IGFBP7: variants seen among roughly 807,000 people sequenced by gnomAD.
IGFBP7 encodes insulin-like growth factor-binding protein 7.
IGFBP7 carries 31 observed loss-of-function variants against 29.4 expected under a neutral mutation model. The observed-to-expected ratio is 1.05, with a 90% CI of 0.79 to 1.42. IGFBP7 has a LOEUF of 1.42. IGFBP7 is among the 40% of genes most tolerant of loss of function. The pLI is 0.00. For missense variants in IGFBP7, 393 were observed against 395.5 expected (o/e 0.99, Z 0.05); for synonymous variants, 172 against 174.9 (o/e 0.98, Z 0.13).
chr4:57,051,346 G>A (rs74880236), intron 1 of IGFBP7, among the ~76,000 whole-genome samples: 2,885 of 152,302 alleles, frequency 0.019, 85 homozygotes, highest in East Asian at 0.13. Context: ...ACGGTCTCAG[G>A]GGTACTGGCT....
intron 1 of IGFBP7, among the ~76,000 whole-genome samples, chr4:57,064,526 C>T (rs1560498616): frequency 6.6e-6 from 1 of 152,138 alleles, no homozygotes; most frequent in Non-Finnish European, 1.5e-5. Flanking sequence ...ATTCTATTTC[C>T]CAACATGAAG....
intron 2 of IGFBP7, among the ~76,000 whole-genome samples, chr4:57,039,272 A>G (rs1724161197): frequency 6.6e-6 from 1 of 152,206 alleles, no homozygotes; most frequent in African/African-American, 2.4e-5. Context: ...ACTGAGTGCT[A>G]ACTATGTATC....
intron 1 of IGFBP7, among the ~76,000 whole-genome samples, chr4:57,094,197 C>T (rs901333524): frequency 6.6e-6 from 1 of 152,172 alleles, no homozygotes; most frequent in Non-Finnish European, 1.5e-5. Flanking sequence ...TTACAAAAAG[C>T]AGGCACTGGA....
intron 1 of IGFBP7, among the ~76,000 whole-genome samples, chr4:57,101,450 T>C (rs1035303131): frequency 1.3e-5 from 2 of 152,162 alleles, no homozygotes; most frequent in African/African-American, 4.8e-5. Context: ...GGACTGCTCC[T>C]CTCCCTGGTA....
At chr4:57,040,169 T>C (rs7687211) in intron 2 of IGFBP7, among the ~76,000 whole-genome samples, 137,999 of 152,098 alleles carry the variant, frequency 0.91, 62,623 homozygotes, top group East Asian at 0.97. Flanking sequence ...TCCCACCTCA[T>C]TCCTTCTATC....
At chr4:57,092,323 C>G (rs1725661307) in intron 1 of IGFBP7, among the ~76,000 whole-genome samples, 1 of 152,154 alleles carries the variant, frequency 6.6e-6, no homozygotes, top group Non-Finnish European at 1.5e-5. Context: ...TTATAGTACA[C>G]ATATCCTTTC....
chr4:57,090,490 G>C (rs948555657), intron 1 of IGFBP7, among the ~76,000 whole-genome samples: 1 of 152,140 alleles, frequency 6.6e-6, no homozygotes, highest in Non-Finnish European at 1.5e-5. Flanking sequence ...CAGTTAATTT[G>C]TTCCTCACAA....
intron 1 of IGFBP7, among the ~76,000 whole-genome samples, chr4:57,060,648 G>T (rs573318996): frequency 1.3e-5 from 2 of 152,314 alleles, no homozygotes; most frequent in South Asian, 4.1e-4. Context: ...TGGAGATCCA[G>T]CCTGCTACAC....
intron 2 of IGFBP7, among the ~76,000 whole-genome samples, chr4:57,034,138 A>ATG (rs1724023924): frequency 6.6e-6 from 1 of 151,428 alleles, no homozygotes; most frequent in South Asian, 2.1e-4. Context: ...TGTGTATGTC[A>ATG]TGTCAAGATT....
In IGFBP7 at chr4:57,033,330, A is replaced by C; in HGVS notation, c.586-19T>G. The C allele has an allele frequency of 6.7e-7, 1 of 1,499,230 alleles. No homozygotes were observed. The highest frequency in any genetic ancestry group is 9.3e-7 in the Non-Finnish European group (1 of 1,075,040). The allele number at this position is 1,499,230 out of a possible 1,614,324, so 92.9% of individuals were successfully genotyped here. On this transcript the variant is annotated intron_variant, in intron 2 of 4. Transcript: ENST00000295666. ...TTTTTACCTGCAAAAACAAAAGGAG[A>C]GTAATACTGAGTTTTGTACACCAGA...
chr4:57,067,442 G>T (rs897997893), intron 1 of IGFBP7, among the ~76,000 whole-genome samples: 1 of 152,198 alleles, frequency 6.6e-6, no homozygotes, highest in Non-Finnish European at 1.5e-5. Flanking sequence ...AAAGAAGCCA[G>T]TCCCAGAAGG....
intron 1 of IGFBP7, among the ~76,000 whole-genome samples, chr4:57,088,424 C>T (rs759023263): frequency 2.0e-5 from 3 of 152,168 alleles, no homozygotes; most frequent in Non-Finnish European, 2.9e-5. Context: ...GAACAGCCCT[C>T]ATTTTCTCCA....
chr4:57,093,130 A>C (rs1725678633), intron 1 of IGFBP7, among the ~76,000 whole-genome samples: 1 of 152,236 alleles, frequency 6.6e-6, no homozygotes, highest in Non-Finnish European at 1.5e-5. Flanking sequence ...AATAAAATGA[A>C]ATTAGCTTAC....
chr4:57,085,307 C>T (rs1725471465), intron 1 of IGFBP7, among the ~76,000 whole-genome samples: 4 of 152,102 alleles, frequency 2.6e-5, no homozygotes, highest in Admixed American at 2.6e-4. Flanking sequence ...CTCCTGTTAT[C>T]CGTATGCTAG....
intron 1 of IGFBP7, among the ~76,000 whole-genome samples, chr4:57,042,292 G>GTTTT (rs1724247292): frequency 6.6e-6 from 1 of 152,190 alleles, no homozygotes; most frequent in African/African-American, 2.4e-5. Flanking sequence ...CCTGCCATCT[G>GTTTT]TTTTTGCATG....
intron 1 of IGFBP7, among the ~76,000 whole-genome samples, chr4:57,098,618 A>G (rs1725820810): frequency 1.3e-5 from 2 of 152,198 alleles, no homozygotes; most frequent in Admixed American, 1.3e-4. Flanking sequence ...CTGGCCTGTC[A>G]AATATCTGGC....
rs553399575 is a variant in IGFBP7, at chr4:57,077,359, C to A, written c.475+32518G>T. On this transcript the variant is annotated intron_variant, in intron 1 of 4. Coordinates refer to ENST00000295666, the MANE Select transcript of IGFBP7 (RefSeq NM_001553.3). ...GTGATGTGATCTCGGCTCACTGCAACCTCCATCTCCCGGGTTCAAGCGATT... is the reference window on the plus strand; with the variant it reads ...GTGATGTGATCTCGGCTCACTGCAAACTCCATCTCCCGGGTTCAAGCGATT... Among the ~76,000 whole-genome samples the A allele has an allele frequency of 5.3e-5, 8 of 152,248 alleles. 1 individual carries two copies. Among genetic ancestry groups the A allele is most frequent in the Admixed American group, 5.2e-4 (8 of 15,294 alleles).
At position 57,110,364 on chromosome 4, in the gene IGFBP7, T is replaced by C; in HGVS notation, c.-13A>G. The C allele has an allele frequency of 2.2e-6, 3 of 1,335,360 alleles. No individual in the cohort carries two copies. The highest frequency in any genetic ancestry group is 3.8e-5 in the South Asian group (2 of 52,252). 82.7% of individuals were successfully genotyped at this position (1,335,360 alleles called of 1,614,324 possible). On this transcript the variant is annotated 5_prime_UTR_variant, in exon 1 of 5. Transcript: ENST00000295666. Reference sequence around the variant, plus strand: ...ACGGCCGCTCCATGGCGGGGTGCGGTGGCAGCGGCAAGGGCGCGAGTGAGC... The same window carrying C: ...ACGGCCGCTCCATGGCGGGGTGCGGCGGCAGCGGCAAGGGCGCGAGTGAGC...
Position 57,072,062 on chromosome 4 carries a change from C to T in IGFBP7, c.476-31129G>A, listed in dbSNP as rs147887413. On this transcript the variant is annotated intron_variant, in intron 1 of 4. Transcript: ENST00000295666. ...TTGTTACATAGGTAAATTTGTGTCACGGGGGTCTGTTGTACAGATTGTTTC... is the reference window on the plus strand; with the variant it reads ...TTGTTACATAGGTAAATTTGTGTCATGGGGGTCTGTTGTACAGATTGTTTC... Among the ~76,000 whole-genome samples, 425 of 151,940 alleles carry T rather than the reference C, an allele frequency of 2.8e-3. 1 individual carries two copies. The highest frequency in any genetic ancestry group is 9.8e-3 in the African/African-American group (407 of 41,430).
Sources: gnomAD v4.1 joint callset for allele counts (sites outside exome capture counted in the v4.1 genomes callset) on GRCh38, gnomAD v4.1.1 for gene constraint, MANE v1.5 for transcripts, NCBI Gene and HGNC (gene_info 2026-07-23, HGNC 2026-07-21) for gene names.